ZNF516: variants seen among roughly 807,000 people sequenced by gnomAD.
ZNF516 encodes the protein zinc finger protein 516.
Under a neutral mutation model 79.7 loss-of-function variants are expected in ZNF516, and 19 were observed. The observed-to-expected ratio is 0.24, with a 90% CI of 0.17 to 0.35. ZNF516 has a LOEUF of 0.35. ZNF516 is among the 10% of genes least tolerant of loss of function. The probability of loss-of-function intolerance (pLI) is 1.00; values close to 1 mark genes in which losing one functional copy is unlikely to be tolerated. For synonymous variants in ZNF516, 877 were observed against 739.5 expected (o/e 1.19, Z -3.02); for missense variants, 1,678 against 1,679.5 (o/e 1.00, Z 0.02).
chr18:76,367,743 A>G (rs2074638601), intron 6 of ZNF516, among the ~76,000 whole-genome samples: 1 of 152,244 alleles, frequency 6.6e-6, no homozygotes, highest in African/African-American at 2.4e-5. Context: ...GAACCAGAGA[A>G]GCAGGAAAAA....
intron 2 of ZNF516, among the ~76,000 whole-genome samples, chr18:76,453,867 A>G (rs894230847): frequency 6.6e-6 from 1 of 152,232 alleles, no homozygotes; most frequent in African/African-American, 2.4e-5. Context: ...ATTTGTTTCT[A>G]CAAATAAGCT....
At chr18:76,481,351 C>G (rs1740778018) in intron 1 of ZNF516, among the ~76,000 whole-genome samples, 1 of 152,238 alleles carries the variant, frequency 6.6e-6, no homozygotes, top group African/African-American at 2.4e-5. Flanking sequence ...CAGCCTGTCC[C>G]AACCCCCTCT....
chr18:76,485,833 AT>A (rs1262747210), intron 1 of ZNF516, among the ~76,000 whole-genome samples: 1 of 151,902 alleles, frequency 6.6e-6, no homozygotes, highest in Non-Finnish European at 1.5e-5. Flanking sequence ...GAACTATTAA[AT>A]AGGATTGTCC....
chr18:76,464,933 C>T (rs538316763), intron 1 of ZNF516, among the ~76,000 whole-genome samples: 6 of 152,158 alleles, frequency 3.9e-5, no homozygotes, highest in African/African-American at 1.4e-4. Context: ...TTTAGTGATG[C>T]GGAGAAACTA....
chr18:76,370,831 ATTAATTATC>A (rs1252145981), intron 5 of ZNF516, among the ~76,000 whole-genome samples: 1 of 152,194 alleles, frequency 6.6e-6, no homozygotes, highest in Non-Finnish European at 1.5e-5. Flanking sequence ...CACTGACAAC[ATTAATTATC>A]GGTGTGTGTG....
intron 3 of ZNF516, among the ~76,000 whole-genome samples, chr18:76,432,904 CCATGGCTCTAA>C (rs2075681186): frequency 6.6e-6 from 1 of 152,244 alleles, no homozygotes; most frequent in Admixed American, 6.5e-5. Flanking sequence ...CAACTCCAAG[CCATGGCTCTAA>C]CACGAGGCGT....
chr18:76,435,073 G>A (rs1458175865), intron 3 of ZNF516, among the ~76,000 whole-genome samples: 1 of 152,210 alleles, frequency 6.6e-6, no homozygotes, highest in African/African-American at 2.4e-5. Context: ...AAAACGGGAG[G>A]ATAGAATGGA....
chr18:76,478,315 A>C (rs1202346837), intron 1 of ZNF516, among the ~76,000 whole-genome samples: 1 of 152,234 alleles, frequency 6.6e-6, no homozygotes, highest in Non-Finnish European at 1.5e-5. Flanking sequence ...GAAATAAATC[A>C]ACTTTGTCTG....
At chr18:76,377,514 G>T (rs575860226) in intron 4 of ZNF516, among the ~76,000 whole-genome samples, 1 of 152,214 alleles carries the variant, frequency 6.6e-6, no homozygotes, top group Admixed American at 6.5e-5. Context: ...CTGAAACCCC[G>T]GCCTAAGCCA....
chr18:76,486,161 C>T, intron 1 of ZNF516, among the ~76,000 whole-genome samples: 1 of 152,196 alleles, frequency 6.6e-6, no homozygotes, highest in Admixed American at 6.5e-5. Flanking sequence ...TTGTTCACTA[C>T]ACCCTTAAGT....
intron 2 of ZNF516, among the ~76,000 whole-genome samples, chr18:76,446,751 CTTCT>C (rs1478772979): frequency 2.6e-5 from 4 of 152,216 alleles, no homozygotes; most frequent in African/African-American, 7.2e-5. Context: ...CAAGCTCTTC[CTTCT>C]TTCCTATTTC....
intron 3 of ZNF516, among the ~76,000 whole-genome samples, chr18:76,427,249 A>G (rs555272730): frequency 2.0e-5 from 3 of 152,240 alleles, no homozygotes; most frequent in Admixed American, 6.5e-5. Context: ...TTAACCCTCT[A>G]AACTTCAGAT....
chr18:76,365,886 G>C (rs1290637311), intron 6 of ZNF516, among the ~76,000 whole-genome samples: 1 of 152,166 alleles, frequency 6.6e-6, no homozygotes, highest in South Asian at 2.1e-4. Flanking sequence ...CACAGCCTAC[G>C]GGAAGCCCTG....
chr18:76,371,793 C>T (rs961340364), intron 4 of ZNF516, among the ~76,000 whole-genome samples: 1 of 152,204 alleles, frequency 6.6e-6, no homozygotes, highest in African/African-American at 2.4e-5. Context: ...TAAATTACAG[C>T]GAATTAAAAA....
chr18:76,473,523 T>C (rs9946709), intron 1 of ZNF516, among the ~76,000 whole-genome samples: 23,120 of 152,124 alleles, frequency 0.15, 1,880 homozygotes, highest in Admixed American at 0.22. Context: ...AGTAGTTGGC[T>C]GGGTGCGGTG....
intron 1 of ZNF516, among the ~76,000 whole-genome samples, chr18:76,477,795 A>T (rs1295563737): frequency 6.6e-6 from 1 of 152,128 alleles, no homozygotes; most frequent in African/African-American, 2.4e-5. Flanking sequence ...GAAGGAATGC[A>T]AACTCATTAC....
Position 76,442,826 on chromosome 18 carries a change from G to A in ZNF516, c.229C>T (p.Leu77=). ...CGGTGGCTCCGGATGTGAATCTTCA[G>A]GTTGCCCTTCTGGGAAGCCCGGTGG... The part of the protein sequence containing the change: ...CDHRASQKGN[L]KIHIRSHRTG... The change falls in exon 3 of 7, where the codon CTG becomes TTG. Residue 77 remains leucine (L), a synonymous_variant. Coordinates refer to ENST00000443185, the MANE Select transcript of ZNF516 (RefSeq NM_014643.4). 1 of 1,612,792 alleles carries A rather than the reference G, an allele frequency of 6.2e-7. No homozygotes were observed. The highest frequency in any genetic ancestry group is 8.5e-7 in the Non-Finnish European group (1 of 1,179,370).
intron 3 of ZNF516, among the ~76,000 whole-genome samples, chr18:76,431,832 T>G (rs2075665193): frequency 6.6e-6 from 1 of 152,140 alleles, no homozygotes; most frequent in Non-Finnish European, 1.5e-5. Context: ...TGGGCCAAAA[T>G]CAATCTCTTT....
intron 1 of ZNF516, among the ~76,000 whole-genome samples, chr18:76,474,227 T>C (rs1265499673): frequency 6.6e-6 from 1 of 152,150 alleles, no homozygotes; most frequent in African/African-American, 2.4e-5. Context: ...AACAGACAGC[T>C]TGAAAAATAA....
Sources: gnomAD v4.1 joint callset for allele counts (sites outside exome capture counted in the v4.1 genomes callset) on GRCh38, gnomAD v4.1.1 for gene constraint, MANE v1.5 for transcripts, NCBI Gene and HGNC (gene_info 2026-07-23, HGNC 2026-07-21) for gene names.